The following EP400 variants were observed in gnomAD, a reference collection of about 807,000 sequenced individuals.
EP400 encodes E1A-binding protein p400.
A neutral mutation model predicts 354.1 loss-of-function variants in EP400; 105 were observed. The ratio of observed to expected loss-of-function variants is 0.30; its 90% CI spans 0.25 to 0.35. EP400 has a LOEUF of 0.35. EP400 is among the 10% of genes least tolerant of loss of function. EP400 has a pLI of 1.00. For missense variants in EP400, 3,280 were observed against 4,121.0 expected (o/e 0.80, Z 5.59); for synonymous variants, 1,646 against 1,716.9 (o/e 0.96, Z 1.02).
chr12:132,018,290 A>T lies in EP400; in HGVS notation c.4191A>T (p.Lys1397Asn), dbSNP rs756866182. Residue 1397 changes from lysine (K) to asparagine (N), a missense_variant, in exon 21 of 53, where the codon AAA becomes AAT. Lys to Asn is a moderately conservative substitution (Grantham distance 94, BLOSUM62 0). Around this residue, in one of 20 missense-constraint regions of EP400, gnomAD observed 342 missense variants for 342.7 expected, o/e 1.00. Transcript: ENST00000389561. The surrounding 1 kb of genome is among the most constrained non-coding windows in gnomAD (Gnocchi z 4.0). The stretch of plus-strand genomic sequence containing the variant: ...ACGAGGCAGAGTTGCTGTCTAAGAA[A>T]AAGATACCGCGGAAACTCATGGAGG... ...TRHEAELLSK[K>N]KIPRKLMEEI... 1.2e-6 allele frequency: 2 copies of T among 1,613,782 alleles called. No homozygotes were observed. Among genetic ancestry groups the T allele is most frequent in the East Asian group, 4.5e-5 (2 of 44,886 alleles).
At chr12:132,066,434 G>A (rs1895893697) in intron 48 of EP400, 1 of 252,948 alleles carries the variant, frequency 4.0e-6, no homozygotes, top group Non-Finnish European at 7.5e-6. Flanking sequence ...AACAGGAAGT[G>A]AAAAGCCTTC....
At position 132,005,308 on chromosome 12, in the gene EP400, A is replaced by T. The variant is rs189700886; in HGVS notation, c.2935+124A>T. ...TAAAATAAAAAATTAGAAATATTTAATAAGTATCTTTATATTGAATAGAAT... is the reference window on the plus strand; with the variant it reads ...TAAAATAAAAAATTAGAAATATTTATTAAGTATCTTTATATTGAATAGAAT... On this transcript the variant is annotated intron_variant, in intron 13 of 52. Coordinates refer to ENST00000389561, the MANE Select transcript of EP400 (RefSeq NM_015409.5). 1.1e-5 allele frequency: 7 copies of T among 625,796 alleles called. No homozygotes were observed. The East Asian group carries it at 2.2e-4, about 19-fold the overall frequency. The allele number at this position is 625,796 out of a possible 1,614,324, so 38.8% of individuals were successfully genotyped here. A position where few individuals can be genotyped will look rare whatever the true frequency, so the allele number is the denominator to read the frequency against.
At chr12:132,069,740 CTGCACTGGGTGG>C (rs1896013798) in intron 51 of EP400, 99 bp downstream of exon 51, 8 of 1,537,188 alleles carry the variant, frequency 5.2e-6, no homozygotes, top group Non-Finnish European at 7.1e-6. Context: ...GCCCTTGCGG[CTGCACTGGGTGG>C]TGCACTGGAG....
intron 2 of EP400, 41 bp downstream of exon 2, chr12:131,961,995 G>A (rs1891900285): frequency 1.3e-6 from 2 of 1,566,648 alleles, no homozygotes; most frequent in African/African-American, 1.4e-5. Context: ...AAATCTTCTA[G>A]ATGATCAGAG....
chr12:132,013,085 C>T lies in EP400; in HGVS notation c.3518C>T (p.Thr1173Ile). The T allele has an allele frequency of 1.2e-6, 2 of 1,614,118 alleles. No homozygotes were observed. The highest frequency in any genetic ancestry group is 1.7e-6 in the Non-Finnish European group (2 of 1,180,028). The change falls in exon 17 of 53, where the codon ACA (threonine) becomes ATA (isoleucine). Residue 1173 changes from threonine to isoleucine, a missense_variant. Transcript: ENST00000389561. The surrounding 1 kb of genome is among the most constrained non-coding windows in gnomAD (Gnocchi z 4.5). The part of the protein sequence containing the change: ...TQFFRGLTAF[T>I]RVRWKCLVID... ...TTCTTCCGGGGCCTCACCGCCTTCACACGAGTGCGCTGGAAGTGCCTGGTC... is the reference window on the plus strand; with the variant it reads ...TTCTTCCGGGGCCTCACCGCCTTCATACGAGTGCGCTGGAAGTGCCTGGTC...
In EP400 at chr12:132,029,679, A is replaced by G. The variant is rs759881171; in HGVS notation, c.5382-22A>G. 3.0e-5 allele frequency: 49 copies of G among 1,607,050 alleles called. No individual in the cohort carries two copies. Among genetic ancestry groups the G allele is most frequent in the Non-Finnish European group, 4.0e-5 (47 of 1,176,320 alleles). Reference sequence around the variant, plus strand: ...AGGTGTGTGGCTCCTGGTGGTGACAAAACATGCTTTCTGCTCCTCAGGGTG... The same window carrying G: ...AGGTGTGTGGCTCCTGGTGGTGACAGAACATGCTTTCTGCTCCTCAGGGTG... On this transcript the variant is annotated intron_variant, in intron 27 of 52. Coordinates refer to ENST00000389561, the MANE Select transcript of EP400 (RefSeq NM_015409.5). This position sits in a 1 kb window ranked among gnomAD's most constrained non-coding sequence, Gnocchi z 4.7.
In EP400 at chr12:132,067,082, G is replaced by T; in HGVS notation, c.8749+113G>T. 7.5e-7 allele frequency: 1 copy of T among 1,340,760 alleles called. No homozygotes were observed. Among genetic ancestry groups the T allele is most frequent in the South Asian group, 1.5e-5 (1 of 64,864 alleles). The allele number at this position is 1,340,760 out of a possible 1,614,324, so 83.1% of individuals were successfully genotyped here. ...TCTTTCCTCACACCCACCCACTTGA[G>T]CGTGCCATCACGTGTTCTAGCACAA... is the stretch of plus-strand genomic sequence containing the variant. On this transcript the variant is annotated intron_variant, in intron 49 of 52. Transcript: ENST00000389561. The surrounding 1 kb of genome is among the most constrained non-coding windows in gnomAD (Gnocchi z 5.3).
At position 132,053,025 on chromosome 12, in the gene EP400, G is replaced by C. The variant is rs113078508; in HGVS notation, c.7395-121G>C. On this transcript the variant is annotated intron_variant, in intron 41 of 52. Transcript: ENST00000389561. Reference sequence around the variant, plus strand: ...GGGCACATTGGGCACCTTGCTTTACGCCCTCATCTCTTGGGCTGGAGCTGC... The same window carrying C: ...GGGCACATTGGGCACCTTGCTTTACCCCCTCATCTCTTGGGCTGGAGCTGC... 13 of 1,019,276 alleles carry C rather than the reference G, an allele frequency of 1.3e-5. No homozygotes were observed. The Admixed American group carries it at 2.2e-4, about 17-fold the overall frequency. 63.1% of individuals were successfully genotyped at this position (1,019,276 alleles called of 1,614,324 possible).
Position 132,050,670 on chromosome 12 carries a change from G to T in EP400, c.7394+15G>T, listed in dbSNP as rs764991144. On this transcript the variant is annotated intron_variant, in intron 41 of 52. Coordinates refer to ENST00000389561, the MANE Select transcript of EP400 (RefSeq NM_015409.5). This position sits in a 1 kb window ranked among gnomAD's most constrained non-coding sequence, Gnocchi z 4.8. ...TTGGCAGAAAGGTATTTCTCTATTC[G>T]TGACACATTTGTTACTGTTTGGAAG... The T allele has an allele frequency of 6.2e-7, 1 of 1,613,906 alleles. No individual in the cohort carries two copies. The highest frequency in any genetic ancestry group is 8.5e-7 in the Non-Finnish European group (1 of 1,179,968).
intron 45 of EP400, among the ~76,000 whole-genome samples, chr12:132,058,574 ACTC>A (rs1416076259): frequency 6.8e-6 from 1 of 147,692 alleles, no homozygotes; most frequent in African/African-American, 2.5e-5. Context: ...CTGGTCTTGA[ACTC>A]CTGATCTCGT....
chr12:131,977,829 G>A (rs1892536725), intron 2 of EP400, among the ~76,000 whole-genome samples: 2 of 152,052 alleles, frequency 1.3e-5, no homozygotes, highest in African/African-American at 2.4e-5. Context: ...GCCTTTCCCC[G>A]TGTGAGTACA....
intron 41 of EP400, 80 bp from the exon 42 acceptor site, chr12:132,053,066 C>G (rs1462380667): frequency 9.6e-6 from 14 of 1,463,240 alleles, no homozygotes; most frequent in Non-Finnish European, 1.3e-5. Context: ...CACCTGGCAG[C>G]ATGGTGTTTC....
chr12:131,978,586 A>G (rs1286807495), intron 2 of EP400, among the ~76,000 whole-genome samples: 1 of 152,098 alleles, frequency 6.6e-6, no homozygotes, highest in Non-Finnish European at 1.5e-5. Context: ...GCAGTGGCAC[A>G]GTCCTAGATC....
chr12:132,027,466 G>A lies in EP400; in HGVS notation c.5044G>A (p.Ala1682Thr). The change falls in exon 26 of 53, where the codon GCC (alanine) becomes ACC (threonine). Residue 1682 changes from alanine (A) to threonine (T), a missense_variant. By Grantham distance (58) the Ala-to-Thr change is moderately conservative (BLOSUM62 0). Coordinates refer to ENST00000389561, the MANE Select transcript of EP400 (RefSeq NM_015409.5). This position sits in a 1 kb window ranked among gnomAD's most constrained non-coding sequence, Gnocchi z 4.9. Reference protein sequence around the residue: ...VGVPGRVAVNALAVGEPGTAS... With the variant: ...VGVPGRVAVNTLAVGEPGTAS... ...CGTTCCGGGCCGCGTGGCGGTGAAT[G>A]CCTTGGCTGTAGGAGAACCCGGAAC... The A allele has an allele frequency of 6.2e-7, 1 of 1,614,092 alleles. No homozygotes were observed. The highest frequency in any genetic ancestry group is 8.5e-7 in the Non-Finnish European group (1 of 1,180,034).
At chr12:131,973,726 G>T (rs1482177572) in intron 2 of EP400, among the ~76,000 whole-genome samples, 1 of 152,174 alleles carries the variant, frequency 6.6e-6, no homozygotes, top group Non-Finnish European at 1.5e-5. Flanking sequence ...ATCTATGCCA[G>T]TTAAACTCCA....
At chr12:132,065,166 G>T (rs1895849305) in intron 48 of EP400, 9 of 555,012 alleles carry the variant, frequency 1.6e-5, no homozygotes, top group Middle Eastern at 4.8e-4. Flanking sequence ...AGCCTGCGTG[G>T]CTTCCCTGTG....
chr12:131,967,655 A>T (rs566501837), intron 2 of EP400, among the ~76,000 whole-genome samples: 40 of 151,652 alleles, frequency 2.6e-4, no homozygotes, highest in Middle Eastern at 3.4e-3. Flanking sequence ...GCACCACTGC[A>T]CTCTAGCCTG....
chr12:132,079,888 C>A lies in EP400; in HGVS notation c.*2215C>A, dbSNP rs761304619. 1 of 152,200 alleles carries A rather than the reference C, an allele frequency of 6.6e-6. No individual in the cohort carries two copies. The highest frequency in any genetic ancestry group is 3.2e-3 in the Middle Eastern group (1 of 316). 9.4% of individuals were successfully genotyped at this position (152,200 alleles called of 1,614,324 possible). ...TTGACCTGAGTTAAATTCATTTAGTCGTGTACGTAAAAACTCTCCTTTTAG... is the reference window on the plus strand; with the variant it reads ...TTGACCTGAGTTAAATTCATTTAGTAGTGTACGTAAAAACTCTCCTTTTAG... On this transcript the variant is annotated 3_prime_UTR_variant, in exon 53 of 53. Coordinates refer to ENST00000389561, the MANE Select transcript of EP400 (RefSeq NM_015409.5).
In EP400 at chr12:132,020,117, C is replaced by T. The variant is rs766074953; in HGVS notation, c.4346C>T (p.Pro1449Leu). The change falls in exon 22 of 53, where the codon CCG becomes CTG. Residue 1449 changes from proline to leucine, a missense_variant. Pro to Leu is a moderately conservative substitution (Grantham distance 98). Transcript: ENST00000389561. ...ACCGTGGCTTTCCCCAGCACTCACC[C>T]GCCCCGGACGGCAGCCCCCACCACG... ...GRTVAFPSTH[P>L]PRTAAPTTAS... 51 of 1,610,280 alleles carry T rather than the reference C, an allele frequency of 3.2e-5. No individual in the cohort carries two copies. The highest frequency in any genetic ancestry group is 6.7e-5 in the African/African-American group (5 of 74,820).
Sources: allele counts gnomAD v4.1 joint callset (sites outside exome capture counted in the v4.1 genomes callset), GRCh38; gene constraint gnomAD v4.1.1; regional missense constraint gnomAD v4.1.1; non-coding constraint Gnocchi (gnomAD v3.1); transcripts MANE v1.5; gene names NCBI Gene and HGNC (gene_info 2026-07-23, HGNC 2026-07-21).